HDAC9: variants seen among roughly 807,000 people sequenced by gnomAD.
The protein encoded by HDAC9 is MEF-2 interacting transcription repressor (MITR) protein.
In HDAC9, 41 loss-of-function variants were observed where a neutral mutation model predicts 139.4. The ratio of observed to expected loss-of-function variants is 0.29; its 90% CI spans 0.23 to 0.38. HDAC9 has a LOEUF of 0.38. Among genes scored for constraint, HDAC9 ranks in the 10% least tolerant of loss-of-function variants. The pLI is 1.00. For missense variants in HDAC9, 1,147 were observed against 1,297.0 expected (o/e 0.88, Z 1.78); for synonymous variants, 517 against 476.2 (o/e 1.09, Z -1.12).
intron 25 of HDAC9, among the ~76,000 whole-genome samples, chr7:18,991,217 A>G (rs896995858): frequency 6.6e-6 from 1 of 152,240 alleles, no homozygotes; most frequent in Admixed American, 6.5e-5. Context: ...AAATGGTATA[A>G]CATTGGAGGG....
chr7:18,604,327 T>C (rs1449754095), intron 6 of HDAC9, among the ~76,000 whole-genome samples: 1 of 152,180 alleles, frequency 6.6e-6, no homozygotes, highest in Non-Finnish European at 1.5e-5. Flanking sequence ...CCTTTCTTTT[T>C]AGGGAGTTTC....
chr7:18,111,084 TTGACTC>T (rs1370128684), intron 1 of HDAC9, among the ~76,000 whole-genome samples: 2 of 152,206 alleles, frequency 1.3e-5, no homozygotes, highest in Non-Finnish European at 1.5e-5. Flanking sequence ...AACAATGTGT[TTGACTC>T]TGAGGATGTG....
intron 2 of HDAC9, among the ~76,000 whole-genome samples, chr7:18,516,862 G>GA (rs35689821): frequency 0.082 from 4,503 of 54,968 alleles, 158 homozygotes; most frequent in Non-Finnish European, 0.093. Context: ...CTCCATTTCA[G>GA]AAAAAAAAAA....
At chr7:18,957,668 C>T in intron 24 of HDAC9, among the ~76,000 whole-genome samples, 1 of 152,134 alleles carries the variant, frequency 6.6e-6, no homozygotes, top group South Asian at 2.1e-4. Context: ...AGCATGGGGT[C>T]TTTCTGAGAG....
At chr7:18,524,642 T>A (rs548733021) in intron 2 of HDAC9, among the ~76,000 whole-genome samples, 1 of 152,170 alleles carries the variant, frequency 6.6e-6, no homozygotes, top group East Asian at 1.9e-4. Flanking sequence ...CAAAGGAAGA[T>A]TAAGAGGATA....
chr7:18,516,428 T>C (rs1299352706), intron 2 of HDAC9, among the ~76,000 whole-genome samples: 1 of 152,144 alleles, frequency 6.6e-6, no homozygotes, highest in Non-Finnish European at 1.5e-5. Flanking sequence ...GGAAGGAGGA[T>C]GTCACCTTAC....
chr7:18,258,951 CTTTTTTTTTTTTTTTTTTTTTTTTT>C lies in HDAC9; in HGVS notation c.25+96615_25+96639del, dbSNP rs199607615. On this transcript the variant is annotated intron_variant, in intron 2 of 12. Transcript: ENST00000417496. The stretch of plus-strand genomic sequence containing the variant: ...TAATAAAGTAGGGATTCTTCTTCTC[CTTTTTTTTTTTTTTTTTTTTTTTTT>C]TTTTTTTTTTTTAAACAGGGTCTCA... Among the ~76,000 whole-genome samples the C allele has an allele frequency of 9.8e-4, 96 of 98,342 alleles. 1 individual carries two copies. Among genetic ancestry groups the C allele is most frequent in the Admixed American group, 2.0e-3 (15 of 7,660 alleles). The allele number at this position is 98,342 out of a possible 152,430, so 64.5% of individuals were successfully genotyped here.
chr7:18,723,227 T>C (rs1361740040), intron 12 of HDAC9, among the ~76,000 whole-genome samples: 1 of 152,210 alleles, frequency 6.6e-6, no homozygotes, highest in African/African-American at 2.4e-5. Context: ...ATTTTATATA[T>C]ATCTCTCTCC....
Position 18,356,365 on chromosome 7 carries a change from T to G in HDAC9, c.-42+65850T>G, listed in dbSNP as rs1230691176. On this transcript the variant is annotated intron_variant, in intron 1 of 3. Coordinates refer to the HDAC9 transcript ENST00000413509. ...CTAGAGGGCAGCACATAGGTTTTTTTTTTTTTTTTTTTTTTTTTTTAAAGA... is the reference window on the plus strand; with the variant it reads ...CTAGAGGGCAGCACATAGGTTTTTTGTTTTTTTTTTTTTTTTTTTTAAAGA... 3.5e-5 allele frequency among the ~76,000 whole-genome samples: 5 copies of G among 141,444 alleles called. No individual in the cohort carries two copies. In the East Asian group the frequency reaches 1.0e-3, roughly 29 times the overall value. The allele number at this position is 141,444 out of a possible 152,430, so 92.8% of individuals were successfully genotyped here.
intron 2 of HDAC9, among the ~76,000 whole-genome samples, chr7:18,230,815 A>C (rs2128183249): frequency 6.6e-6 from 1 of 152,368 alleles, no homozygotes; most frequent in East Asian, 1.9e-4. Context: ...TGGTGGCAGT[A>C]ATAGCTCTAT....
intron 12 of HDAC9, among the ~76,000 whole-genome samples, chr7:18,682,026 G>A (rs1293192794): frequency 1.3e-5 from 2 of 151,800 alleles, no homozygotes; most frequent in Admixed American, 6.6e-5. Flanking sequence ...TTTAAATTTA[G>A]AATAAAAGGT....
intron 12 of HDAC9, among the ~76,000 whole-genome samples, chr7:18,709,846 G>A (rs1784217550): frequency 6.6e-6 from 1 of 152,152 alleles, no homozygotes; most frequent in Non-Finnish European, 1.5e-5. Flanking sequence ...CTTGCCCTGT[G>A]ATTCTATGCT....
intron 1 of HDAC9, among the ~76,000 whole-genome samples, chr7:18,119,218 GCAC>G (rs1784211207): frequency 6.6e-6 from 1 of 152,150 alleles, no homozygotes; most frequent in South Asian, 2.1e-4. Context: ...AAATCAAAGT[GCAC>G]CAGTCCATTG....
rs79441761 is a variant in HDAC9, at chr7:18,625,273, T to C, written c.665-4077T>C. Among the ~76,000 whole-genome samples, 38 of 152,300 alleles carry C rather than the reference T, an allele frequency of 2.5e-4. 2 individuals are homozygous for C. In the East Asian group the frequency reaches 7.3e-3, roughly 29 times the overall value. On this transcript the variant is annotated intron_variant, in intron 6 of 25. Transcript: ENST00000686413. ...CAATTTCTAATAATCTCTCTTTTCT[T>C]TTCTTCCCTTACCCTTCTCCAGCTT... is the stretch of plus-strand genomic sequence containing the variant.
intron 2 of HDAC9, among the ~76,000 whole-genome samples, chr7:18,507,459 C>T (rs1382924958): frequency 1.3e-5 from 2 of 151,344 alleles, no homozygotes; most frequent in African/African-American, 4.9e-5. Flanking sequence ...TCCCAAAGTG[C>T]TGGAATTACA....
At chr7:18,970,416 A>G (rs1261809712) in intron 24 of HDAC9, among the ~76,000 whole-genome samples, 1 of 152,218 alleles carries the variant, frequency 6.6e-6, no homozygotes, top group Non-Finnish European at 1.5e-5. Flanking sequence ...GAATAGGACT[A>G]TTTTATAGGC....
At chr7:18,357,997 A>G (rs1398843625) in intron 1 of HDAC9, among the ~76,000 whole-genome samples, 1 of 152,082 alleles carries the variant, frequency 6.6e-6, no homozygotes, top group African/African-American at 2.4e-5. Context: ...TGGAGATTGG[A>G]TTGGAGAGGG....
At chr7:18,929,047 A>G (rs144736718) in intron 22 of HDAC9, among the ~76,000 whole-genome samples, 168 of 152,194 alleles carry the variant, frequency 1.1e-3, no homozygotes, top group Middle Eastern at 0.01. Context: ...TCTGGGAACT[A>G]TTTGGAAATG....
At chr7:18,935,788 G>C in intron 22 of HDAC9, 21 bp from the exon 23 acceptor site, 2 of 1,606,918 alleles carry the variant, frequency 1.2e-6, no homozygotes, top group East Asian at 4.5e-5. Context: ...ACTTTGAAAT[G>C]TTCTGTTTGT....
Sources: gnomAD v4.1 joint callset for allele counts (sites outside exome capture counted in the v4.1 genomes callset) on GRCh38, gnomAD v4.1.1 for gene constraint, MANE v1.5 for transcripts, NCBI Gene and HGNC (gene_info 2026-07-23, HGNC 2026-07-21) for gene names.